Variants in EEA1 observed in about 807,000 individuals in gnomAD.
The protein encoded by EEA1 is early endosome antigen 1.
In EEA1, 111 loss-of-function variants were observed where a neutral mutation model predicts 209.2. The observed-to-expected ratio is 0.53, with a 90% CI of 0.45 to 0.62. EEA1 has a LOEUF of 0.62. Ranked by LOEUF, EEA1 falls within the 20% of genes least tolerant of loss-of-function variation. The pLI, the probability that EEA1 is intolerant of heterozygous loss-of-function variation, is 0.00. For synonymous variants in EEA1, 536 were observed against 540.6 expected (o/e 0.99, Z 0.12); for missense variants, 1,343 against 1,530.8 (o/e 0.88, Z 2.05).
In EEA1 at chr12:92,920,285, G is replaced by A. The variant is rs1194426405; in HGVS notation, c.24+8758C>T. ...ATGGAACCAAAAAAGAGCCCGCATC[G>A]CCAAGTCAATCCTAAGCCAAAAGAA... is the stretch of plus-strand genomic sequence containing the variant. On this transcript the variant is annotated intron_variant, in intron 1 of 28. Transcript: ENST00000322349. Among the ~76,000 whole-genome samples, 8 of 108,730 alleles carry A rather than the reference G, an allele frequency of 7.4e-5. 1 individual carries two copies. The highest frequency in any genetic ancestry group is 2.6e-4 in the South Asian group (1 of 3,920). The allele number at this position is 108,730 out of a possible 152,430, so 71.3% of individuals were successfully genotyped here.
rs945415527 is a variant in EEA1 at position 92,826,891 on chromosome 12, A to T, written c.1405-606T>A. Among the ~76,000 whole-genome samples the T allele has an allele frequency of 7.2e-5, 11 of 152,210 alleles. No individual in the cohort carries two copies. The East Asian group carries it at 9.6e-4, about 13-fold the overall frequency. On this transcript the variant is annotated intron_variant, in intron 12 of 28. Transcript: ENST00000322349. ...AGTATGATCAAGGAATTAATTACAT[A>T]TAAATTATTTTTAACAATAATTTAA...
intron 2 of EEA1, chr12:92,883,679 T>C (rs2136746097): frequency 1.4e-6 from 1 of 693,770 alleles, no homozygotes; most frequent in East Asian, 2.5e-5. Flanking sequence ...TACTTTATCG[T>C]AAGAATACAG....
Position 92,883,874 on chromosome 12 carries a change from T to G in EEA1, c.117+7755A>C. 1.9e-6 allele frequency: 3 copies of G among 1,599,678 alleles called. 1 individual carries two copies. The highest frequency in any genetic ancestry group is 8.5e-7 in the Non-Finnish European group (1 of 1,171,026). The stretch of plus-strand genomic sequence containing the variant: ...ACCGATGAGAGCCTGAGGAGCCATT[T>G]TGAGCAATGGGGAACGCTCACGGAC... On this transcript the variant is annotated intron_variant, in intron 2 of 28. Coordinates refer to ENST00000322349, the MANE Select transcript of EEA1 (RefSeq NM_003566.4).
intron 21 of EEA1, among the ~76,000 whole-genome samples, chr12:92,788,258 A>G (rs376995815): frequency 6.6e-6 from 1 of 151,662 alleles, no homozygotes; most frequent in East Asian, 1.9e-4. Flanking sequence ...ATAAAATACA[A>G]AAGTAATTAA....
At chr12:92,892,568 T>G (rs1167370987) in intron 1 of EEA1, among the ~76,000 whole-genome samples, 5 of 138,444 alleles carry the variant, frequency 3.6e-5, no homozygotes, top group Non-Finnish European at 6.4e-5. Context: ...TTTTTTTTTT[T>G]GAAACAAGAG....
chr12:92,900,817 C>T (rs948986576), intron 1 of EEA1, among the ~76,000 whole-genome samples: 16 of 151,752 alleles, frequency 1.1e-4, no homozygotes, highest in Non-Finnish European at 7.4e-5. Context: ...TACAGGTGCC[C>T]GCCACCACGT....
At chr12:92,880,408 G>A (rs1377218541) in intron 2 of EEA1, among the ~76,000 whole-genome samples, 4 of 151,976 alleles carry the variant, frequency 2.6e-5, no homozygotes, top group African/African-American at 7.3e-5. Context: ...AGGAGCAAGC[G>A]ATTCTCCTGC....
chr12:92,877,866 G>C (rs866537596), intron 2 of EEA1, among the ~76,000 whole-genome samples: 2 of 152,176 alleles, frequency 1.3e-5, no homozygotes, highest in South Asian at 2.1e-4. Context: ...ACCATGATAA[G>C]ATATAATGGA....
At chr12:92,861,618 AAAG>A (rs1419131730) in intron 3 of EEA1, among the ~76,000 whole-genome samples, 3 of 152,216 alleles carry the variant, frequency 2.0e-5, no homozygotes, top group Non-Finnish European at 4.4e-5. Flanking sequence ...GTCATCAACC[AAAG>A]AATGAGAAAA....
At position 92,774,181 on chromosome 12, in the gene EEA1, A is replaced by C. The variant is rs1470936288; in HGVS notation, c.*1830T>G. On this transcript the variant is annotated 3_prime_UTR_variant, in exon 29 of 29. Transcript: ENST00000322349. ...TTTATAAGTATATAAAAATGCATAA[A>C]TAGTTCAGTTTATATTATCCAACTA... The C allele has an allele frequency of 6.6e-6, 1 of 151,512 alleles. No individual in the cohort carries two copies. Among genetic ancestry groups the C allele is most frequent in the Non-Finnish European group, 1.5e-5 (1 of 67,578 alleles). The allele number at this position is 151,512 out of a possible 1,614,324, so 9.4% of individuals were successfully genotyped here.
chr12:92,897,160 T>G (rs910114141), intron 1 of EEA1, among the ~76,000 whole-genome samples: 3 of 152,168 alleles, frequency 2.0e-5, no homozygotes, highest in Admixed American at 6.5e-5. Context: ...AACCCTAACT[T>G]TCCACACCTA....
intron 1 of EEA1, among the ~76,000 whole-genome samples, chr12:92,911,475 G>A (rs991228770): frequency 6.6e-6 from 1 of 152,192 alleles, no homozygotes; most frequent in Admixed American, 6.5e-5. Flanking sequence ...TGTTTGCCAA[G>A]AGTTAAGGGG....
chr12:92,841,542 C>T (rs1215362518), intron 10 of EEA1, among the ~76,000 whole-genome samples: 2 of 151,902 alleles, frequency 1.3e-5, no homozygotes, highest in Non-Finnish European at 2.9e-5. Flanking sequence ...GGTTAATATC[C>T]AGAATATATA....
In EEA1 at chr12:92,775,871, C is replaced by A. The variant is rs1354512117; in HGVS notation, c.*140G>T. The A allele has an allele frequency of 1.3e-6, 1 of 771,958 alleles. No individual in the cohort carries two copies. The allele number at this position is 771,958 out of a possible 1,614,324, so 47.8% of individuals were successfully genotyped here. A position where few individuals can be genotyped will look rare whatever the true frequency, so the allele number is the denominator to read the frequency against. On this transcript the variant is annotated 3_prime_UTR_variant, in exon 29 of 29. Transcript: ENST00000322349. ...GAAGAGTTTTACTTGATATCCATAA[C>A]ATTCCAAAATATACTAATTCCTATT...
intron 21 of EEA1, among the ~76,000 whole-genome samples, chr12:92,793,926 A>T (rs1040887365): frequency 2.0e-5 from 3 of 152,218 alleles, no homozygotes; most frequent in Non-Finnish European, 4.4e-5. Context: ...AGAAACTACC[A>T]TCAGAGCGAA....
At chr12:92,835,178 G>A (rs2136695801) in intron 10 of EEA1, among the ~76,000 whole-genome samples, 1 of 152,054 alleles carries the variant, frequency 6.6e-6, no homozygotes, top group Non-Finnish European at 1.5e-5. Flanking sequence ...ACCGCGCCTG[G>A]CCAGCTATAA....
At chr12:92,845,422 T>C (rs1877349319) in intron 9 of EEA1, among the ~76,000 whole-genome samples, 1 of 152,142 alleles carries the variant, frequency 6.6e-6, no homozygotes, top group South Asian at 2.1e-4. Flanking sequence ...AGACAAAAAG[T>C]AAATACAATC....
intron 2 of EEA1, among the ~76,000 whole-genome samples, chr12:92,885,320 G>A (rs1486105067): frequency 6.6e-6 from 1 of 152,056 alleles, no homozygotes; most frequent in Non-Finnish European, 1.5e-5. Flanking sequence ...TGGAGACCAT[G>A]ATATTTCCAA....
At chr12:92,844,323 A>G (rs1877302676) in intron 9 of EEA1, among the ~76,000 whole-genome samples, 3 of 152,172 alleles carry the variant, frequency 2.0e-5, no homozygotes, top group African/African-American at 7.2e-5. Context: ...AGATATGTGC[A>G]TGGCCTGACC....
Sources: allele counts gnomAD v4.1 joint callset (sites outside exome capture counted in the v4.1 genomes callset), GRCh38; gene constraint gnomAD v4.1.1; transcripts MANE v1.5; gene names NCBI Gene and HGNC (gene_info 2026-07-23, HGNC 2026-07-21).